The following PCM1 variants were observed in gnomAD, a reference collection of about 807,000 sequenced individuals.
PCM1 encodes pericentriolar material 1, also known as pericentriolar material 1 protein.
In PCM1, 157 loss-of-function variants were observed where a neutral mutation model predicts 241.9. The ratio of observed to expected loss-of-function variants is 0.65; its 90% CI spans 0.57 to 0.74. PCM1 has a LOEUF of 0.74. Among genes scored for constraint, PCM1 ranks in the 30% least tolerant of loss-of-function variants. PCM1 has a pLI of 0.00. For synonymous variants in PCM1, 1,085 were observed against 784.9 expected, an observed-to-expected ratio of 1.38 and a Z score of -6.39; for missense variants, 3,478 against 2,360.1, an observed-to-expected ratio of 1.47 and a Z score of -9.81.
chr8:17,975,049 G>A (rs1348718574), intron 23 of PCM1, among the ~76,000 whole-genome samples: 3 of 152,078 alleles, frequency 2.0e-5, no homozygotes, highest in East Asian at 1.9e-4. Flanking sequence ...GTGCTTTTGG[G>A]CCTCACCTTA....
intron 36 of PCM1, chr8:18,015,907 G>A (rs927442653): frequency 1.3e-5 from 2 of 152,270 alleles, no homozygotes; most frequent in African/African-American, 4.8e-5. Context: ...ATTTTATTTT[G>A]AGACTGAGTC....
chr8:17,981,753 G>A (rs1587726215), intron 24 of PCM1, among the ~76,000 whole-genome samples: 2 of 152,224 alleles, frequency 1.3e-5, no homozygotes, highest in South Asian at 4.1e-4. Flanking sequence ...GAGGAAACAT[G>A]GTCAAAGAGG....
In PCM1 at chr8:17,938,478, C is replaced by T. The variant is rs563893458; in HGVS notation, c.343-262C>T. 9.9e-5 allele frequency among the ~76,000 whole-genome samples: 15 copies of T among 152,268 alleles called. 1 individual carries two copies. The South Asian group carries it at 3.1e-3, about 32-fold the overall frequency. ...ATATTTTGGATAAGGGGTACTCAAG[C>T]TGTACTTCATTTAGACTTACCTTGT... On this transcript the variant is annotated intron_variant, in intron 4 of 38. Coordinates refer to ENST00000325083, the MANE Select transcript of PCM1 (RefSeq NM_006197.4).
chr8:18,011,484 A>G, intron 33 of PCM1, 118 bp downstream of exon 33: 3 of 1,090,734 alleles, frequency 2.8e-6, no homozygotes. Context: ...CTGATTTTGA[A>G]TTTCACTGTG....
chr8:18,014,083 T>C, intron 35 of PCM1, 47 bp downstream of exon 35: 2 of 1,111,080 alleles, frequency 1.8e-6, no homozygotes, highest in East Asian at 2.6e-5. Context: ...TTTCCTTTAT[T>C]TGCTTTAAAG....
chr8:17,992,090 A>G (rs900716654), intron 28 of PCM1, among the ~76,000 whole-genome samples: 1 of 151,734 alleles, frequency 6.6e-6, no homozygotes, highest in African/African-American at 2.4e-5. Flanking sequence ...AAACAAATAT[A>G]TCTGTCTATC....
At chr8:17,990,363 T>C (rs193219746) in intron 27 of PCM1, among the ~76,000 whole-genome samples, 18 of 152,124 alleles carry the variant, frequency 1.2e-4, no homozygotes, top group African/African-American at 4.1e-4. Context: ...ATATTTTTAA[T>C]AAAAATATTA....
At position 17,964,595 on chromosome 8, in the gene PCM1, C is replaced by G. The variant is rs746185151; in HGVS notation, c.2682C>G (p.Thr894=). The G allele has an allele frequency of 2.6e-5, 42 of 1,613,512 alleles. No individual in the cohort carries two copies. The highest frequency in any genetic ancestry group is 1.5e-4 in the Admixed American group (9 of 59,944). The change falls in exon 18 of 39, where the codon ACC becomes ACG. Residue 894 remains threonine, a synonymous_variant. Transcript: ENST00000325083. ...CGATGGCAACTTGGGGAGGGTCTAC[C>G]CAGTGTGCACTAGATGAAGAAGGAG... is the stretch of plus-strand genomic sequence containing the variant. ...EKTMATWGGS[T]QCALDEEGDE...
intron 8 of PCM1, among the ~76,000 whole-genome samples, 162 bp from the exon 9 acceptor site, chr8:17,952,808 C>T (rs1295696626): frequency 1.3e-5 from 2 of 152,058 alleles, no homozygotes; most frequent in Non-Finnish European, 2.9e-5. Flanking sequence ...TATCAGGAAA[C>T]CGTATTTAAT....
chr8:17,991,287 ACTGT>A (rs1471659079), intron 27 of PCM1, among the ~76,000 whole-genome samples: 26 of 152,154 alleles, frequency 1.7e-4, no homozygotes, highest in African/African-American at 6.3e-4. Context: ...CCTACATTGA[ACTGT>A]CTGTGAAAGC....
At chr8:17,978,329 A>T (rs1332420996) in intron 23 of PCM1, among the ~76,000 whole-genome samples, 1 of 152,066 alleles carries the variant, frequency 6.6e-6, no homozygotes, top group African/African-American at 2.4e-5. Context: ...AATAGATGGG[A>T]TGAAGAAAGA....
intron 2 of PCM1, chr8:17,927,506 C>G (rs2057441167): frequency 6.6e-6 from 1 of 152,036 alleles, no homozygotes; most frequent in African/African-American, 2.4e-5. Flanking sequence ...GTAATTAATA[C>G]TGTGATATTC....
At chr8:17,940,244 TC>T in intron 6 of PCM1, 1 of 691,450 alleles carries the variant, frequency 1.4e-6, no homozygotes, top group Non-Finnish European at 2.5e-6. Flanking sequence ...TTATAGGCGT[TC>T]CTTAATGAAA....
chr8:17,945,847 A>T (rs2063598042), intron 6 of PCM1, among the ~76,000 whole-genome samples: 1 of 152,172 alleles, frequency 6.6e-6, no homozygotes, highest in Non-Finnish European at 1.5e-5. Flanking sequence ...ATTTATTTGA[A>T]ATTTACATAA....
At chr8:17,960,977 A>G (rs1046273218) in intron 15 of PCM1, among the ~76,000 whole-genome samples, 2 of 152,196 alleles carry the variant, frequency 1.3e-5, no homozygotes, top group African/African-American at 4.8e-5. Flanking sequence ...GGCTGGCCAT[A>G]GATTCAGAAC....
chr8:17,936,088 C>T (rs1220225637), intron 3 of PCM1, among the ~76,000 whole-genome samples: 1 of 152,208 alleles, frequency 6.6e-6, no homozygotes, highest in Non-Finnish European at 1.5e-5. Context: ...TTTCTCTCCT[C>T]TGGTCCATGT....
At chr8:17,928,247 T>A (rs372157670) in intron 2 of PCM1, among the ~76,000 whole-genome samples, 9 of 152,188 alleles carry the variant, frequency 5.9e-5, no homozygotes, top group African/African-American at 2.2e-4. Flanking sequence ...GAAAAAAATA[T>A]CTGTAGTATG....
At chr8:17,958,574 T>C (rs2069904680) in intron 13 of PCM1, among the ~76,000 whole-genome samples, 1 of 151,998 alleles carries the variant, frequency 6.6e-6, no homozygotes, top group Non-Finnish European at 1.5e-5. Context: ...AAAGGTGTTG[T>C]GTATATATAT....
intron 34 of PCM1, among the ~76,000 whole-genome samples, chr8:18,012,902 G>C (rs185406838): frequency 3.2e-4 from 48 of 151,710 alleles, no homozygotes; most frequent in African/African-American, 1.1e-3. Flanking sequence ...CTTTTTTTCT[G>C]ATTGTTACTT....
Sources: allele counts gnomAD v4.1 joint callset (sites outside exome capture counted in the v4.1 genomes callset), GRCh38; gene constraint gnomAD v4.1.1; transcripts MANE v1.5; gene names NCBI Gene and HGNC (gene_info 2026-07-23, HGNC 2026-07-21).